The following HOXD3 variants were observed in gnomAD, a reference collection of about 807,000 sequenced individuals.
HOXD3 encodes the protein homeobox protein Hox-D3.
Under a neutral mutation model 32.8 loss-of-function variants are expected in HOXD3, and 13 were observed. The observed-to-expected ratio is 0.40, with a 90% CI of 0.26 to 0.63. HOXD3 has a LOEUF of 0.63. Among genes scored for constraint, HOXD3 ranks in the 20% least tolerant of loss-of-function variants. The probability of loss-of-function intolerance (pLI) is 0.44; values close to 1 mark genes in which losing one functional copy is unlikely to be tolerated. For synonymous variants in HOXD3, 241 were observed against 246.8 expected, an observed-to-expected ratio of 0.98 and a Z score of 0.22; for missense variants, 504 against 577.1, an observed-to-expected ratio of 0.87 and a Z score of 1.30.
chr2:176,161,970 G>T (rs2857540), intron 1 of HOXD3, among the ~76,000 whole-genome samples: 117,789 of 152,180 alleles, frequency 0.77, 46,480 homozygotes, highest in African/African-American at 0.93. Flanking sequence ...AGCAGCTCCA[G>T]GAGCTCCAGT....
chr2:176,153,996 C>T (rs941279899), upstream of HOXD3, among the ~76,000 whole-genome samples: 6 of 151,766 alleles, frequency 4.0e-5, no homozygotes, highest in Non-Finnish European at 7.4e-5. Context: ...TAGTGTATGG[C>T]CTGTGTAGGG....
rs1691227096 is a variant in HOXD3, at chr2:176,172,372, C to G, written c.*98C>G. The G allele has an allele frequency of 1.7e-6, 2 of 1,203,076 alleles. No individual in the cohort carries two copies. The highest frequency in any genetic ancestry group is 2.3e-6 in the Non-Finnish European group (2 of 885,876). 74.5% of individuals were successfully genotyped at this position (1,203,076 alleles called of 1,614,324 possible). A position where few individuals can be genotyped will look rare whatever the true frequency, so the allele number is the denominator to read the frequency against. On this transcript the variant is annotated 3_prime_UTR_variant, in exon 4 of 4. Transcript: ENST00000683222. ...GCGGGGCAGTTCGGGAACCCCCTTCCCCGCTCTTGCCCTGCCGCCGCCTCC... is the reference window on the plus strand; with the variant it reads ...GCGGGGCAGTTCGGGAACCCCCTTCGCCGCTCTTGCCCTGCCGCCGCCTCC...
chr2:176,165,459 A>G lies in HOXD3; in HGVS notation c.-85+1291A>G, dbSNP rs1690937510. The G allele has an allele frequency of 2.0e-5, 3 of 152,336 alleles. No homozygotes were observed. The South Asian group carries it at 6.2e-4, about 32-fold the overall frequency. 9.4% of individuals were successfully genotyped at this position (152,336 alleles called of 1,614,324 possible). On this transcript the variant is annotated intron_variant, in intron 2 of 3. Transcript: ENST00000683222. ...GGAAGCGGGCGGTGGCCGCTCAGAG[A>G]ATACCTTCCTTCCGGCAGGAGACCG...
chr2:176,156,175 T>C (rs1235665274), upstream of HOXD3, among the ~76,000 whole-genome samples: 1 of 152,214 alleles, frequency 6.6e-6, no homozygotes, highest in African/African-American at 2.4e-5. Context: ...CTGCAATAAA[T>C]TAGGCACCAT....
At position 176,172,145 on chromosome 2, in the gene HOXD3, T is replaced by G; in HGVS notation, c.1170T>G (p.Ser390Arg). The change falls in exon 4 of 4, where the codon AGT becomes AGG. Residue 390 changes from serine to arginine, a missense_variant. Around this residue, in one of 3 missense-constraint regions of HOXD3, gnomAD observed 226 missense variants for 246.9 expected, o/e 0.92. Coordinates refer to ENST00000683222, the MANE Select transcript of HOXD3 (RefSeq NM_006898.5). ...SHPSSASVDY[S>R]CAAQIPGNHH... ...CGTCGTCGGCCAGCGTGGACTACAG[T>G]TGCGCCGCGCAGATTCCAGGCAACC... 5 of 1,613,194 alleles carry G rather than the reference T, an allele frequency of 3.1e-6. No homozygotes were observed. The highest frequency in any genetic ancestry group is 4.2e-6 in the Non-Finnish European group (5 of 1,179,982).
intron 1 of HOXD3, among the ~76,000 whole-genome samples, chr2:176,161,671 G>T (rs927878242): frequency 1.3e-5 from 2 of 152,140 alleles, no homozygotes; most frequent in Non-Finnish European, 2.9e-5. Flanking sequence ...AGATTAAAAC[G>T]CTACTGAGCT....
Position 176,172,092 on chromosome 2 carries a change from G to C in HOXD3, c.1117G>C (p.Val373Leu). The change falls in exon 4 of 4, where the codon GTC (valine) becomes CTC (leucine). Residue 373 changes from valine to leucine, a missense_variant. Physicochemically the swap from Val to Leu is conservative, Grantham distance 32. Coordinates refer to ENST00000683222, the MANE Select transcript of HOXD3 (RefSeq NM_006898.5). ...VESMAPASGP[V>L]FNLGHLSHPS... ...GTCCATGGCGCCCGCGTCCGGGCCT[G>C]TCTTCAACCTGGGCCACCTCTCGCA... 2 of 1,612,266 alleles carry C rather than the reference G, an allele frequency of 1.2e-6. No individual in the cohort carries two copies. Among genetic ancestry groups the C allele is most frequent in the Non-Finnish European group, 1.7e-6 (2 of 1,179,880 alleles).
chr2:176,154,198 T>TTGTAAAAG (rs1690600458), upstream of HOXD3, among the ~76,000 whole-genome samples: 1 of 152,164 alleles, frequency 6.6e-6, no homozygotes, highest in African/African-American at 2.4e-5. Flanking sequence ...GAAGCAGAAT[T>TTGTAAAAG]TGTAAAAGTA....
intron 2 of HOXD3, chr2:176,164,512 CTTTCGAG>C (rs1303195534): frequency 1.3e-5 from 2 of 152,222 alleles, no homozygotes; most frequent in African/African-American, 4.8e-5. Context: ...AAGAAGTCTC[CTTTCGAG>C]CAAACCCAAA....
chr2:176,153,967 A>G (rs1218154801), upstream of HOXD3, among the ~76,000 whole-genome samples: 1 of 152,068 alleles, frequency 6.6e-6, no homozygotes, highest in African/African-American at 2.4e-5. Flanking sequence ...ACCCTCATAT[A>G]GCAGTGTTTT....
upstream of HOXD3, chr2:176,152,869 C>G (rs1268750836): frequency 6.2e-7 from 1 of 1,614,192 alleles, no homozygotes; most frequent in Non-Finnish European, 8.5e-7. The surrounding 1 kb of genome is among the most constrained non-coding windows in gnomAD (Gnocchi z 5.2). Context: ...TCATCTTGCT[C>G]CTCCTCAGTC....
At chr2:176,153,137 G>A (rs540913179), upstream of HOXD3, 10 of 516,726 alleles carry the variant, frequency 1.9e-5, no homozygotes, top group South Asian at 1.8e-4. Context: ...GGGATGGGAG[G>A]GGGGGCGGGA....
At position 176,172,344 on chromosome 2, in the gene HOXD3, C is replaced by T; in HGVS notation, c.*70C>T. The T allele has an allele frequency of 3.5e-6, 5 of 1,416,016 alleles. No individual in the cohort carries two copies. Among genetic ancestry groups the T allele is most frequent in the Non-Finnish European group, 4.7e-6 (5 of 1,056,634 alleles). The allele number at this position is 1,416,016 out of a possible 1,614,324, so 87.7% of individuals were successfully genotyped here. A position where few individuals can be genotyped will look rare whatever the true frequency, so the allele number is the denominator to read the frequency against. On this transcript the variant is annotated 3_prime_UTR_variant, in exon 4 of 4. Transcript: ENST00000683222. ...TGTAGTGGTGGGGTAGAGGGTGGGGCCCGCGGGGCAGTTCGGGAACCCCCT... is the reference window on the plus strand; with the variant it reads ...TGTAGTGGTGGGGTAGAGGGTGGGGTCCGCGGGGCAGTTCGGGAACCCCCT...
chr2:176,163,331 C>T (rs1690864705), intron 1 of HOXD3, among the ~76,000 whole-genome samples: 2 of 151,694 alleles, frequency 1.3e-5, no homozygotes, highest in African/African-American at 4.9e-5. Context: ...CTGTCTCTCT[C>T]CTTTCACCTG....
intron 3 of HOXD3, among the ~76,000 whole-genome samples, chr2:176,170,931 T>C: frequency 6.6e-6 from 1 of 152,154 alleles, no homozygotes; most frequent in East Asian, 1.9e-4. Context: ...TTGGTTTTTT[T>C]TTATTTTTTA....
intron 1 of HOXD3, among the ~76,000 whole-genome samples, chr2:176,158,950 G>A (rs1186533045): frequency 6.6e-6 from 1 of 152,224 alleles, no homozygotes; most frequent in South Asian, 2.1e-4. Context: ...GGCTTGGCGG[G>A]CACTGGCCCG....
intron 1 of HOXD3, among the ~76,000 whole-genome samples, chr2:176,158,456 G>A (rs1263933095): frequency 6.6e-6 from 1 of 152,162 alleles, no homozygotes; most frequent in African/African-American, 2.4e-5. Context: ...TTGCAGCTCC[G>A]ACCCGGGCGC....
At chr2:176,163,487 G>C (rs1020746957) in intron 1 of HOXD3, among the ~76,000 whole-genome samples, 1 of 152,078 alleles carries the variant, frequency 6.6e-6, no homozygotes, top group Non-Finnish European at 1.5e-5. Context: ...CCAAGAGTGT[G>C]GTGGATACTT....
intron 1 of HOXD3, among the ~76,000 whole-genome samples, chr2:176,160,441 G>T (rs1690764630): frequency 6.6e-6 from 1 of 152,204 alleles, no homozygotes; most frequent in Non-Finnish European, 1.5e-5. Context: ...GCGAAAATGT[G>T]TTCTTTCCTT....
Sources: allele counts gnomAD v4.1 joint callset (sites outside exome capture counted in the v4.1 genomes callset), GRCh38; gene constraint gnomAD v4.1.1; regional missense constraint gnomAD v4.1.1; non-coding constraint Gnocchi (gnomAD v3.1); transcripts MANE v1.5; gene names NCBI Gene and HGNC (gene_info 2026-07-23, HGNC 2026-07-21).